NELL1: variants seen among roughly 807,000 people sequenced by gnomAD.
The protein encoded by NELL1 is neural EGFL like 1, also known as protein kinase C-binding protein NELL1.
NELL1 carries 76 observed loss-of-function variants against 107.4 expected under a neutral mutation model. The ratio of observed to expected loss-of-function variants is 0.71; its 90% CI spans 0.59 to 0.86. The LOEUF (loss-of-function observed/expected upper bound fraction) is 0.86. Among genes scored for constraint, NELL1 ranks in the 40% least tolerant of loss-of-function variants. NELL1 has a pLI of 0.00. For missense variants in NELL1, 1,024 were observed against 1,005.5 expected, an observed-to-expected ratio of 1.02 and a Z score of -0.25; for synonymous variants, 353 against 341.2, an observed-to-expected ratio of 1.03 and a Z score of -0.38.
chr11:20,698,471 T>C (rs1450631158), intron 2 of NELL1, among the ~76,000 whole-genome samples: 1 of 152,206 alleles, frequency 6.6e-6, no homozygotes, highest in East Asian at 1.9e-4. Flanking sequence ...AGAAACTATT[T>C]AGCTATATGG....
intron 12 of NELL1, among the ~76,000 whole-genome samples, chr11:21,087,617 G>A (rs1289812474): frequency 2.0e-5 from 3 of 152,116 alleles, no homozygotes; most frequent in Non-Finnish European, 4.4e-5. Flanking sequence ...GGGACATAAG[G>A]TGCTTTAAAC....
At chr11:21,002,079 C>T (rs1852233947) in intron 12 of NELL1, among the ~76,000 whole-genome samples, 1 of 152,158 alleles carries the variant, frequency 6.6e-6, no homozygotes, top group Admixed American at 6.5e-5. Context: ...TGTTGGCTAA[C>T]TATACTTTTC....
intron 13 of NELL1, among the ~76,000 whole-genome samples, chr11:21,220,575 T>C (rs1362011147): frequency 2.0e-5 from 3 of 152,186 alleles, no homozygotes; most frequent in African/African-American, 7.2e-5. Context: ...GTCTTTATTA[T>C]AGAGATCTCT....
At chr11:21,049,940 T>C (rs57786982) in intron 12 of NELL1, among the ~76,000 whole-genome samples, 57,440 of 151,738 alleles carry the variant, frequency 0.38, 13,582 homozygotes, top group African/African-American at 0.66. Context: ...CATTAATTTG[T>C]GGCCTATTGC....
chr11:21,032,189 G>T (rs1282110039), intron 12 of NELL1, among the ~76,000 whole-genome samples: 1 of 151,682 alleles, frequency 6.6e-6, no homozygotes, highest in Non-Finnish European at 1.5e-5. Flanking sequence ...TTGTACTTCG[G>T]CTCCAGTGCA....
At chr11:20,774,497 C>T (rs1319072744) in intron 2 of NELL1, among the ~76,000 whole-genome samples, 3 of 151,734 alleles carry the variant, frequency 2.0e-5, no homozygotes, top group Middle Eastern at 3.4e-3. Flanking sequence ...TCCTGAGTAG[C>T]TGAGATTACA....
At chr11:21,503,940 C>G (rs932409786) in intron 15 of NELL1, 1 of 152,090 alleles carries the variant, frequency 6.6e-6, no homozygotes, top group African/African-American at 2.4e-5. Flanking sequence ...CTAATAATTA[C>G]TATGATATCA....
At chr11:20,734,996 A>G (rs1210041592) in intron 2 of NELL1, among the ~76,000 whole-genome samples, 1 of 152,138 alleles carries the variant, frequency 6.6e-6, no homozygotes, top group Non-Finnish European at 1.5e-5. Context: ...GGTAACTGAA[A>G]TTAAGTACTG....
intron 1 of NELL1, chr11:20,674,409 C>G (rs891372622): frequency 9.0e-7 from 1 of 1,112,034 alleles, no homozygotes; most frequent in Admixed American, 2.0e-5. Flanking sequence ...ATATAGTTTC[C>G]CCGAGTCCTC....
Position 20,919,301 on chromosome 11 carries a change from T to A in NELL1, c.726T>A (p.Asp242Glu). The change falls in exon 7 of 20, where the codon GAT becomes GAA. Residue 242 changes from aspartate to glutamate, a missense_variant. Transcript: ENST00000357134. Reference protein sequence around the residue: ...DFLSLVQGIMDLQELLAKMTA... With the variant: ...DFLSLVQGIMELQELLAKMTA... ...TAAGCCTGGTGCAAGGAATAATGGA[T>A]TTACAAGAGCTTTTGGCCAAGATGA... is the stretch of plus-strand genomic sequence containing the variant. 1.2e-6 allele frequency: 2 copies of A among 1,607,168 alleles called. No individual in the cohort carries two copies. Among genetic ancestry groups the A allele is most frequent in the Non-Finnish European group, 1.7e-6 (2 of 1,175,838 alleles).
At chr11:21,022,485 A>G (rs1852723583) in intron 12 of NELL1, among the ~76,000 whole-genome samples, 1 of 152,142 alleles carries the variant, frequency 6.6e-6, no homozygotes, top group Non-Finnish European at 1.5e-5. Flanking sequence ...GGGTTGCTAA[A>G]CCTTGAAAAT....
chr11:21,406,909 C>T (rs1438648487), intron 15 of NELL1, among the ~76,000 whole-genome samples: 1 of 151,996 alleles, frequency 6.6e-6, no homozygotes, highest in Admixed American at 6.6e-5. Context: ...TGCTGTGAAA[C>T]ACCAGAACTT....
chr11:21,133,551 A>C (rs1188097373), intron 13 of NELL1, among the ~76,000 whole-genome samples: 1 of 152,102 alleles, frequency 6.6e-6, no homozygotes, highest in African/African-American at 2.4e-5. Context: ...TCCCATGCTC[A>C]TCAGTGCCCA....
chr11:21,494,889 T>C (rs1854936919), intron 15 of NELL1, among the ~76,000 whole-genome samples: 1 of 152,058 alleles, frequency 6.6e-6, no homozygotes, highest in Admixed American at 6.6e-5. Context: ...TATTTATTCT[T>C]TTTTAGAAAA....
intron 2 of NELL1, among the ~76,000 whole-genome samples, chr11:20,738,265 G>A (rs1437764411): frequency 1.3e-5 from 2 of 152,122 alleles, no homozygotes; most frequent in African/African-American, 4.8e-5. Context: ...GCTGGCAGGA[G>A]GCATTCTGAG....
At chr11:20,792,574 GTTATA>G (rs1247618802) in intron 3 of NELL1, among the ~76,000 whole-genome samples, 5 of 151,844 alleles carry the variant, frequency 3.3e-5, no homozygotes, top group South Asian at 4.2e-4. Flanking sequence ...AAGAATAGCT[GTTATA>G]TTTTATTAAA....
chr11:21,246,537 G>A (rs143275904), intron 14 of NELL1, among the ~76,000 whole-genome samples: 307 of 152,244 alleles, frequency 2.0e-3, no homozygotes, highest in Middle Eastern at 0.014. Flanking sequence ...ATAATACAGT[G>A]TACTTACACA....
intron 10 of NELL1, among the ~76,000 whole-genome samples, chr11:20,941,122 G>A (rs1396361861): frequency 6.6e-6 from 1 of 152,128 alleles, no homozygotes; most frequent in Non-Finnish European, 1.5e-5. Flanking sequence ...CTGGGCGACA[G>A]AGTGAGACGC....
rs556690808 is a variant in NELL1 at position 20,974,070 on chromosome 11, A to G, written c.1300+13510A>G. Among the ~76,000 whole-genome samples the G allele has an allele frequency of 2.6e-5, 4 of 152,340 alleles. No homozygotes were observed. The South Asian group carries it at 8.3e-4, about 32-fold the overall frequency. ...AGGAATGGAAATGAGCATTCTCTTT[A>G]CAAGTGCCAGAATGTAAGCCTTATG... On this transcript the variant is annotated intron_variant, in intron 12 of 19. Coordinates refer to ENST00000357134, the MANE Select transcript of NELL1 (RefSeq NM_006157.5).
Sources: gnomAD v4.1 joint callset for allele counts (sites outside exome capture counted in the v4.1 genomes callset) on GRCh38, gnomAD v4.1.1 for gene constraint, MANE v1.5 for transcripts, NCBI Gene and HGNC (gene_info 2026-07-23, HGNC 2026-07-21) for gene names.